The following PTN variants were observed in gnomAD, a reference collection of about 807,000 sequenced individuals.
PTN encodes heparin affin regulatory protein.
Under a neutral mutation model 24.1 loss-of-function variants are expected in PTN, and 18 were observed. The observed-to-expected ratio is 0.75, with a 90% CI of 0.52 to 1.11. The LOEUF (loss-of-function observed/expected upper bound fraction) is 1.11. PTN is among the 50% of genes least tolerant of loss of function. PTN has a pLI of 0.00. For missense variants in PTN, 163 were observed against 198.8 expected, an observed-to-expected ratio of 0.82 and a Z score of 1.08; for synonymous variants, 78 against 68.6, an observed-to-expected ratio of 1.14 and a Z score of -0.67.
intron 1 of PTN, among the ~76,000 whole-genome samples, chr7:137,284,984 A>T (rs991629394): frequency 6.6e-6 from 1 of 152,204 alleles, no homozygotes; most frequent in African/African-American, 2.4e-5. Context: ...AACTTAAATA[A>T]ATATTAGAAG....
chr7:137,297,187 AT>A (rs887629514), intron 1 of PTN, among the ~76,000 whole-genome samples: 1 of 151,980 alleles, frequency 6.6e-6, no homozygotes, highest in African/African-American at 2.4e-5. Context: ...GTACATGATC[AT>A]TTTTTTTCCA....
intron 1 of PTN, among the ~76,000 whole-genome samples, chr7:137,335,912 TTAAGA>T (rs773066247): frequency 2.8e-4 from 42 of 149,998 alleles, no homozygotes; most frequent in Non-Finnish European, 4.3e-4. Flanking sequence ...TCAGCCTCAT[TTAAGA>T]TGTCTTCTCG....
At chr7:137,310,399 T>G (rs1421397498) in intron 1 of PTN, among the ~76,000 whole-genome samples, 2 of 108,824 alleles carry the variant, frequency 1.8e-5, no homozygotes, top group Non-Finnish European at 3.6e-5. Context: ...TGTTTTTTTT[T>G]TTTTGTTTTT....
intron 1 of PTN, among the ~76,000 whole-genome samples, chr7:137,260,444 T>C (rs1181980285): frequency 1.3e-5 from 2 of 152,142 alleles, no homozygotes; most frequent in Admixed American, 6.5e-5. Context: ...GTAACTCATA[T>C]AGTAATTATT....
At chr7:137,319,563 AGCTTCCTCT>A (rs1810129690) in intron 1 of PTN, among the ~76,000 whole-genome samples, 1 of 152,158 alleles carries the variant, frequency 6.6e-6, no homozygotes, top group Non-Finnish European at 1.5e-5. Context: ...TTGGCCATTC[AGCTTCCTCT>A]ATAGTCATTG....
At chr7:137,229,751 T>C (rs1808396862) in intron 4 of PTN, among the ~76,000 whole-genome samples, 1 of 151,862 alleles carries the variant, frequency 6.6e-6, no homozygotes, top group Non-Finnish European at 1.5e-5. Flanking sequence ...TTGTTTGTTT[T>C]CTCAAATATC....
intron 4 of PTN, among the ~76,000 whole-genome samples, chr7:137,248,579 C>T (rs2128870446): frequency 6.6e-6 from 1 of 152,286 alleles, no homozygotes. Context: ...ACTCAGGAGG[C>T]TGAGGCAGGA....
At chr7:137,242,490 A>G (rs1468492205) in intron 4 of PTN, among the ~76,000 whole-genome samples, 1 of 152,156 alleles carries the variant, frequency 6.6e-6, no homozygotes, top group South Asian at 2.1e-4. Flanking sequence ...TGCCAGTCCC[A>G]AAAACAATCT....
intron 1 of PTN, among the ~76,000 whole-genome samples, chr7:137,299,825 A>G (rs890936403): frequency 1.3e-5 from 2 of 151,910 alleles, no homozygotes; most frequent in Admixed American, 6.6e-5. Flanking sequence ...CTCTTTTGCC[A>G]GAGACCCTGT....
At chr7:137,241,455 TCTC>T (rs762493637) in intron 4 of PTN, among the ~76,000 whole-genome samples, 3 of 152,142 alleles carry the variant, frequency 2.0e-5, no homozygotes, top group Non-Finnish European at 4.4e-5. Context: ...TCACCATAAT[TCTC>T]CTTTTGCCTG....
intron 1 of PTN, among the ~76,000 whole-genome samples, chr7:137,266,537 A>G (rs1809149333): frequency 6.6e-6 from 1 of 151,960 alleles, no homozygotes; most frequent in Non-Finnish European, 1.5e-5. Flanking sequence ...CTTATTACAA[A>G]CATTTTTTTT....
chr7:137,261,008 T>A (rs549021930), intron 1 of PTN, among the ~76,000 whole-genome samples: 1 of 152,226 alleles, frequency 6.6e-6, no homozygotes, highest in Non-Finnish European at 1.5e-5. Context: ...GCTTGATTCT[T>A]TCCTTTTATT....
intron 4 of PTN, among the ~76,000 whole-genome samples, chr7:137,245,053 A>G (rs1808699504): frequency 6.6e-6 from 1 of 152,192 alleles, no homozygotes; most frequent in Non-Finnish European, 1.5e-5. Context: ...CAACATCTTT[A>G]TGTTTCATTC....
chr7:137,314,386 A>G (rs945803000), intron 1 of PTN, among the ~76,000 whole-genome samples: 1 of 152,188 alleles, frequency 6.6e-6, no homozygotes, highest in Non-Finnish European at 1.5e-5. Context: ...GGTACCAGCA[A>G]TTGATGGAAG....
In PTN at chr7:137,343,453, G is replaced by T. The variant is rs1193144802; in HGVS notation, c.-16C>A. The T allele has an allele frequency of 1.9e-6, 1 of 517,338 alleles. No individual in the cohort carries two copies. Among genetic ancestry groups the T allele is most frequent in the Non-Finnish European group, 3.9e-6 (1 of 259,102 alleles). 32.0% of individuals were successfully genotyped at this position (517,338 alleles called of 1,614,324 possible). ...CTCTCACTTACTTTGAGTTGGAAAC[G>T]TCCTCTCTGGCGCTCAGTCTGCCTT... On this transcript the variant is annotated 5_prime_UTR_variant, in exon 1 of 5. Transcript: ENST00000348225.
chr7:137,243,840 T>A (rs1008317230), intron 4 of PTN, among the ~76,000 whole-genome samples: 6 of 152,144 alleles, frequency 3.9e-5, no homozygotes, highest in Non-Finnish European at 8.8e-5. Context: ...AGACAGTAAT[T>A]GCAGCAGAAA....
chr7:137,237,529 T>C (rs943647502), intron 4 of PTN, among the ~76,000 whole-genome samples: 1 of 152,210 alleles, frequency 6.6e-6, no homozygotes, highest in Non-Finnish European at 1.5e-5. Context: ...TATTGTTATT[T>C]TTAAATTTGT....
intron 4 of PTN, among the ~76,000 whole-genome samples, chr7:137,249,406 T>C (rs2128870586): frequency 6.6e-6 from 1 of 152,122 alleles, no homozygotes; most frequent in East Asian, 1.9e-4. Context: ...CTGAGATGCA[T>C]TCACAATTTT....
chr7:137,318,180 A>G (rs1810104767), intron 1 of PTN, among the ~76,000 whole-genome samples: 1 of 152,214 alleles, frequency 6.6e-6, no homozygotes. Flanking sequence ...AGGCAGGAGA[A>G]TTGCTTGAAC....
Sources: allele counts gnomAD v4.1 joint callset (sites outside exome capture counted in the v4.1 genomes callset), GRCh38; gene constraint gnomAD v4.1.1; transcripts MANE v1.5; gene names NCBI Gene and HGNC (gene_info 2026-07-23, HGNC 2026-07-21).